The following LCP1 variants were observed in gnomAD, a reference collection of about 807,000 sequenced individuals.
LCP1 encodes the protein lymphocyte cytosolic protein 1, also known as plastin-2.
LCP1 carries 23 observed loss-of-function variants against 72.0 expected under a neutral mutation model. That is an observed-to-expected ratio of 0.32 (90% CI 0.23 to 0.45). LCP1 has a LOEUF of 0.45. Ranked by LOEUF, LCP1 falls within the 20% of genes least tolerant of loss-of-function variation. The pLI is 1.00. For synonymous variants in LCP1, 245 were observed against 275.4 expected, an observed-to-expected ratio of 0.89 and a Z score of 1.09; for missense variants, 571 against 748.3, an observed-to-expected ratio of 0.76 and a Z score of 2.76.
intron 10 of LCP1, among the ~76,000 whole-genome samples, chr13:46,145,010 G>A (rs2045721175): frequency 6.6e-6 from 1 of 152,178 alleles, no homozygotes; most frequent in Admixed American, 6.5e-5. Context: ...AGCAAGGGGT[G>A]GGAGTAGAAG....
At chr13:46,175,696 G>A (rs920053522) in intron 1 of LCP1, among the ~76,000 whole-genome samples, 1 of 152,138 alleles carries the variant, frequency 6.6e-6, no homozygotes, top group Non-Finnish European at 1.5e-5. Context: ...GTCCCAACAT[G>A]AATGACAGCA....
intron 1 of LCP1, among the ~76,000 whole-genome samples, chr13:46,165,644 G>A (rs56962961): frequency 0.011 from 1,611 of 152,216 alleles, 34 homozygotes; most frequent in African/African-American, 0.036. Flanking sequence ...AGCTCTGCCC[G>A]ACTGCTCCTG....
chr13:46,147,832 T>G (rs1184462098), intron 9 of LCP1, among the ~76,000 whole-genome samples: 1 of 152,154 alleles, frequency 6.6e-6, no homozygotes, highest in African/African-American at 2.4e-5. Flanking sequence ...AAACTTTAAA[T>G]TAGGATGATT....
chr13:46,162,305 C>G (rs966364462), intron 1 of LCP1, among the ~76,000 whole-genome samples: 1 of 141,560 alleles, frequency 7.1e-6, no homozygotes, highest in African/African-American at 2.7e-5. Context: ...CCTCAACCCA[C>G]GGTCTCCCTC....
At chr13:46,127,784 C>G in intron 15 of LCP1, 61 bp from the exon 16 acceptor site, 1 of 1,594,508 alleles carries the variant, frequency 6.3e-7, no homozygotes, top group Non-Finnish European at 8.6e-7. Context: ...GAATGGGACC[C>G]TGGAGGGTCA....
chr13:46,171,947 A>G (rs2045906798), intron 1 of LCP1, among the ~76,000 whole-genome samples: 1 of 152,258 alleles, frequency 6.6e-6, no homozygotes, highest in African/African-American at 2.4e-5. Context: ...CCAAGGGCCA[A>G]CTTTTCGTAC....
Position 46,134,214 on chromosome 13 carries a change from G to T in LCP1, c.1539C>A (p.Gly513=), listed in dbSNP as rs749367534. Residue 513 remains glycine (G), a synonymous_variant, in exon 14 of 16, where the codon GGC becomes GGA. Transcript: ENST00000323076. Reference sequence around the variant, plus strand: ...CAATAATGTCATCATTGACCTTCTGGCCACCACCAATTTCTTCGAGGATAT... The same window carrying T: ...CAATAATGTCATCATTGACCTTCTGTCCACCACCAATTTCTTCGAGGATAT... ...TLNILEEIGG[G]QKVNDDIIVN... 1.9e-6 allele frequency: 3 copies of T among 1,613,162 alleles called. No individual in the cohort carries two copies. In the East Asian group the frequency reaches 6.7e-5, roughly 36 times the overall value.
At chr13:46,171,417 T>C (rs2045904012) in intron 1 of LCP1, among the ~76,000 whole-genome samples, 2 of 152,126 alleles carry the variant, frequency 1.3e-5, no homozygotes, top group African/African-American at 4.8e-5. Context: ...GACTGGGCCC[T>C]TCCTAGGCTC....
intron 12 of LCP1, chr13:46,142,742 A>G (rs1283180442): frequency 2.0e-6 from 1 of 489,758 alleles, no homozygotes; most frequent in East Asian, 5.9e-5. Flanking sequence ...TATTTCTAAA[A>G]AAGGTGAATT....
chr13:46,171,870 G>T (rs1399788182), intron 1 of LCP1, among the ~76,000 whole-genome samples: 1 of 152,208 alleles, frequency 6.6e-6, no homozygotes, highest in Non-Finnish European at 1.5e-5. Context: ...TTGTCCTCAG[G>T]GTCAGCATCT....
At chr13:46,138,217 T>C (rs1464327285) in intron 13 of LCP1, among the ~76,000 whole-genome samples, 1 of 148,658 alleles carries the variant, frequency 6.7e-6, no homozygotes, top group Non-Finnish European at 1.5e-5. Flanking sequence ...TCATTTGCTC[T>C]CATAGGAAAA....
chr13:46,141,546 T>A (rs1175240248), intron 13 of LCP1, among the ~76,000 whole-genome samples: 3 of 152,008 alleles, frequency 2.0e-5, no homozygotes, highest in Admixed American at 1.3e-4. Context: ...ACAATAGATT[T>A]CCCCTTGGAA....
chr13:46,136,090 C>T (rs2045663500), intron 13 of LCP1, among the ~76,000 whole-genome samples: 4 of 151,456 alleles, frequency 2.6e-5, no homozygotes, highest in Admixed American at 1.3e-4. Flanking sequence ...CACACACACA[C>T]ACACACACAC....
intron 1 of LCP1, among the ~76,000 whole-genome samples, chr13:46,180,279 C>T (rs190128039): frequency 6.6e-6 from 1 of 152,286 alleles, no homozygotes; most frequent in African/African-American, 2.4e-5. Context: ...TAAAGAGTAG[C>T]TGCTTACACT....
intron 1 of LCP1, among the ~76,000 whole-genome samples, chr13:46,179,538 G>A (rs143054723): frequency 1.3e-4 from 20 of 152,290 alleles, no homozygotes; most frequent in Admixed American, 7.2e-4. Flanking sequence ...TTGAGCAAAT[G>A]CACACCAAAG....
chr13:46,171,922 C>T (rs186004469), intron 1 of LCP1, among the ~76,000 whole-genome samples: 2 of 152,222 alleles, frequency 1.3e-5, no homozygotes, highest in East Asian at 1.9e-4. Flanking sequence ...TCGCAGAATG[C>T]GAAACTCAGG....
At chr13:46,160,013 C>T (rs2045828384) in intron 1 of LCP1, among the ~76,000 whole-genome samples, 1 of 152,186 alleles carries the variant, frequency 6.6e-6, no homozygotes, top group African/African-American at 2.4e-5. Context: ...GAAATGATGT[C>T]TGGGGCTGGA....
intron 13 of LCP1, among the ~76,000 whole-genome samples, chr13:46,135,124 G>T (rs58099415): frequency 1.7e-5 from 2 of 116,400 alleles, no homozygotes; most frequent in Non-Finnish European, 3.5e-5. Flanking sequence ...AAAAAAAAAA[G>T]AAAAAAAAAA....
intron 7 of LCP1, 150 bp from the exon 8 acceptor site, chr13:46,151,228 A>C: frequency 1.4e-6 from 1 of 694,790 alleles, no homozygotes; most frequent in South Asian, 2.3e-5. Flanking sequence ...CCCATGGATT[A>C]AATATTTTAT....
Sources: allele counts gnomAD v4.1 joint callset (sites outside exome capture counted in the v4.1 genomes callset), GRCh38; gene constraint gnomAD v4.1.1; transcripts MANE v1.5; gene names NCBI Gene and HGNC (gene_info 2026-07-23, HGNC 2026-07-21).